Variants in JMJD1C observed in about 807,000 individuals in gnomAD.
JMJD1C encodes jumonji domain containing 1C, also known as jumonji domain-containing protein 1C.
In JMJD1C, 31 loss-of-function variants were observed where a neutral mutation model predicts 245.3. The ratio of observed to expected loss-of-function variants is 0.13; its 90% CI spans 0.09 to 0.17. JMJD1C has a LOEUF of 0.17. Ranked by LOEUF, JMJD1C falls within the 10% of genes least tolerant of loss-of-function variation. The pLI is 1.00. For missense variants in JMJD1C, 2,691 were observed against 3,000.2 expected (o/e 0.90, Z 2.41); for synonymous variants, 1,057 against 1,017.4 (o/e 1.04, Z -0.74).
intron 2 of JMJD1C, among the ~76,000 whole-genome samples, chr10:63,365,914 G>A (rs1319836802): frequency 2.0e-5 from 3 of 152,132 alleles, no homozygotes; most frequent in South Asian, 2.1e-4. Flanking sequence ...TGGCTGATAC[G>A]AGTGTTTTTG....
chr10:63,193,971 T>G (rs1012531425), intron 14 of JMJD1C, among the ~76,000 whole-genome samples: 12 of 152,162 alleles, frequency 7.9e-5, no homozygotes, highest in African/African-American at 2.7e-4. Flanking sequence ...CAGCCAAATT[T>G]ATGTTCTCTA....
chr10:63,512,391 C>A lies in JMJD1C; in HGVS notation n.113+9347G>T, dbSNP rs1353354976. 2.6e-5 allele frequency among the ~76,000 whole-genome samples: 4 copies of A among 152,040 alleles called. No individual in the cohort carries two copies. In the East Asian group the frequency reaches 7.7e-4, roughly 29 times the overall value. ...TATTTCTTACAAATCGGATTTGCAA[C>A]AAATTCCCTCAATTTTCACTTTGAG... On this transcript the variant is annotated intron_variant and non_coding_transcript_variant, in intron 1 of 3. Coordinates refer to the JMJD1C transcript ENST00000633035.
At position 63,207,508 on chromosome 10, in the gene JMJD1C, A is replaced by G; in HGVS notation, c.4161T>C (p.Ala1387=). The G allele has an allele frequency of 1.2e-6, 2 of 1,614,254 alleles. No homozygotes were observed. The highest frequency in any genetic ancestry group is 8.5e-7 in the Non-Finnish European group (1 of 1,180,040). ...QGSVPSSVMS[A]VNTMCNTKTD... ...TTTTGGTATTACACATCGTATTTACAGCAGACATGACTGAACTGGGAACAC... is the reference window on the plus strand; with the variant it reads ...TTTTGGTATTACACATCGTATTTACGGCAGACATGACTGAACTGGGAACAC... Residue 1387 remains alanine, a synonymous_variant, in exon 10 of 26, where the codon GCT becomes GCC. Transcript: ENST00000399262.
chr10:63,376,325 G>A (rs970376843), intron 2 of JMJD1C, among the ~76,000 whole-genome samples: 1 of 151,960 alleles, frequency 6.6e-6, no homozygotes, highest in African/African-American at 2.4e-5. Context: ...ACAACTTTTA[G>A]AAGAAAACAT....
At chr10:63,473,451 T>G (rs1422136996) in intron 1 of JMJD1C, among the ~76,000 whole-genome samples, 3 of 151,706 alleles carry the variant, frequency 2.0e-5, no homozygotes, top group Non-Finnish European at 4.4e-5. Flanking sequence ...TTCACTATGT[T>G]GGCCAGGCTA....
chr10:63,483,528 A>G (rs1365874963), intron 1 of JMJD1C, among the ~76,000 whole-genome samples: 3 of 152,214 alleles, frequency 2.0e-5, no homozygotes, highest in Non-Finnish European at 4.4e-5. Context: ...ATGTGTCTCC[A>G]GACATTGTCA....
chr10:63,361,110 T>G (rs1222731088), intron 2 of JMJD1C, among the ~76,000 whole-genome samples: 1 of 152,194 alleles, frequency 6.6e-6, no homozygotes, highest in African/African-American at 2.4e-5. Context: ...CTTAAGTGAG[T>G]TATTTTAATG....
chr10:63,253,154 G>A (rs1393445483), intron 3 of JMJD1C, among the ~76,000 whole-genome samples: 1 of 152,070 alleles, frequency 6.6e-6, no homozygotes, highest in African/African-American at 2.4e-5. Flanking sequence ...GAAAAGTGGG[G>A]GGAAAAATAA....
chr10:63,167,461 T>TTTAA lies in JMJD1C; in HGVS notation c.*580_*583dup, dbSNP rs1412912044. 1.3e-5 allele frequency: 2 copies of TTTAA among 152,646 alleles called. No individual in the cohort carries two copies. The highest frequency in any genetic ancestry group is 4.8e-5 in the African/African-American group (2 of 41,464). The allele number at this position is 152,646 out of a possible 1,614,324, so 9.5% of individuals were successfully genotyped here. On this transcript the variant is annotated 3_prime_UTR_variant, in exon 26 of 26. Coordinates refer to ENST00000399262, the MANE Select transcript of JMJD1C (RefSeq NM_032776.3). ...AAATAAATTACACCTTTTGAAAATG[T>TTTAA]TTAATTGTACAGTCAATAGCTTCAA...
At chr10:63,417,025 G>A (rs1949847937) in intron 1 of JMJD1C, among the ~76,000 whole-genome samples, 2 of 152,216 alleles carry the variant, frequency 1.3e-5, no homozygotes, top group South Asian at 2.1e-4. Context: ...ACATTACTAG[G>A]TGACTGAGTT....
At chr10:63,499,090 A>C (rs543080606) in intron 1 of JMJD1C, among the ~76,000 whole-genome samples, 1 of 152,304 alleles carries the variant, frequency 6.6e-6, no homozygotes, top group Admixed American at 6.5e-5. Context: ...ATTCCATTGT[A>C]TGTATATACC....
intron 10 of JMJD1C, chr10:63,202,899 A>G (rs1042412080): frequency 3.1e-6 from 3 of 974,236 alleles, no homozygotes; most frequent in Non-Finnish European, 3.7e-6. Flanking sequence ...TCAATTTATT[A>G]CACTAGAATA....
At chr10:63,253,677 C>T (rs978532499) in intron 3 of JMJD1C, among the ~76,000 whole-genome samples, 4 of 152,148 alleles carry the variant, frequency 2.6e-5, no homozygotes, top group African/African-American at 2.4e-5. Flanking sequence ...TGAGCCACCG[C>T]GCCCGGCCTC....
chr10:63,277,731 C>CTTTTTTGTTTTTTTTTTTTTTT (rs1856944984), intron 2 of JMJD1C, among the ~76,000 whole-genome samples: 1 of 64,264 alleles, frequency 1.6e-5, no homozygotes, highest in Non-Finnish European at 2.6e-5. Context: ...ATTTGCATTT[C>CTTTTTTGTTTTTTTTTTTTTTT]TTTTTTTTTT....
intron 1 of JMJD1C, among the ~76,000 whole-genome samples, chr10:63,428,810 ACC>A (rs1445488869): frequency 8.5e-5 from 13 of 152,224 alleles, no homozygotes; most frequent in African/African-American, 2.2e-4. Flanking sequence ...TTTCTGAAAT[ACC>A]CATACTATTA....
chr10:63,232,428 G>A (rs943248730), intron 3 of JMJD1C, among the ~76,000 whole-genome samples: 18 of 152,226 alleles, frequency 1.2e-4, no homozygotes, highest in Non-Finnish European at 2.5e-4. Context: ...GAAAAGAAAT[G>A]AAAAATGTAA....
In JMJD1C at chr10:63,424,933, G is replaced by A. The variant is rs145917997; in HGVS notation, c.168+40562C>T. Among the ~76,000 whole-genome samples, 906 of 152,082 alleles carry A rather than the reference G, an allele frequency of 6.0e-3. 8 individuals carry two copies. Among genetic ancestry groups the A allele is most frequent in the Admixed American group, 0.01 (159 of 15,280 alleles). ...CAATGAGTAAGTTAGAAATCCTCCCGCCACTATTTCTCATGCTGAAACATT... is the reference window on the plus strand; with the variant it reads ...CAATGAGTAAGTTAGAAATCCTCCCACCACTATTTCTCATGCTGAAACATT... On this transcript the variant is annotated intron_variant, in intron 1 of 25. Transcript: ENST00000399262.
intron 2 of JMJD1C, among the ~76,000 whole-genome samples, chr10:63,295,444 T>C (rs766867736): frequency 1.1e-4 from 17 of 152,102 alleles, no homozygotes; most frequent in Non-Finnish European, 1.6e-4. Context: ...ACTGAAAATG[T>C]TAAGAAATTA....
chr10:63,424,497 CTTTTTTTT>C (rs59823871), intron 1 of JMJD1C, among the ~76,000 whole-genome samples: 1 of 103,384 alleles, frequency 9.7e-6, no homozygotes, highest in South Asian at 3.5e-4. Flanking sequence ...ATTATTATTT[CTTTTTTTT>C]TTTTTTTTTT....
Sources: gnomAD v4.1 joint callset for allele counts (sites outside exome capture counted in the v4.1 genomes callset) on GRCh38, gnomAD v4.1.1 for gene constraint, MANE v1.5 for transcripts, NCBI Gene and HGNC (gene_info 2026-07-23, HGNC 2026-07-21) for gene names.